PPFIA2: variants seen among roughly 807,000 people sequenced by gnomAD.
PPFIA2 encodes liprin-alpha-2.
In PPFIA2, 46 loss-of-function variants were observed where a neutral mutation model predicts 175.5. The ratio of observed to expected loss-of-function variants is 0.26; its 90% CI spans 0.21 to 0.34. PPFIA2 has a LOEUF of 0.34. PPFIA2 is among the 10% of genes least tolerant of loss of function. The pLI is 1.00. For missense variants in PPFIA2, 1,179 were observed against 1,506.1 expected (o/e 0.78, Z 3.60); for synonymous variants, 568 against 511.4 (o/e 1.11, Z -1.49).
chr12:81,374,946 C>T (rs2036021161), intron 10 of PPFIA2, among the ~76,000 whole-genome samples, 178 bp from the exon 11 acceptor site: 1 of 152,098 alleles, frequency 6.6e-6, no homozygotes, highest in Non-Finnish European at 1.5e-5. Flanking sequence ...CTGTTTCCTT[C>T]ATACATTTCA....
intron 4 of PPFIA2, among the ~76,000 whole-genome samples, chr12:81,491,336 C>T (rs1381633789): frequency 6.6e-6 from 1 of 151,908 alleles, no homozygotes; most frequent in East Asian, 1.9e-4. Flanking sequence ...CTTGTTTGGA[C>T]ATTTTATTTC....
chr12:81,649,616 T>C (rs2066704159), intron 4 of PPFIA2, among the ~76,000 whole-genome samples: 1 of 152,224 alleles, frequency 6.6e-6, no homozygotes, highest in East Asian at 1.9e-4. Context: ...GATTTGTTCA[T>C]AATATCTGAA....
intron 3 of PPFIA2, among the ~76,000 whole-genome samples, chr12:81,705,456 CAA>C (rs58602688): frequency 2.0e-4 from 11 of 55,704 alleles, no homozygotes; most frequent in East Asian, 4.6e-4. Context: ...GACTAGGTCT[CAA>C]AAAAAAAAAA....
chr12:81,475,144 C>T (rs1039050416), intron 4 of PPFIA2, among the ~76,000 whole-genome samples: 2 of 152,186 alleles, frequency 1.3e-5, no homozygotes, highest in Non-Finnish European at 2.9e-5. Context: ...GTCATACAAA[C>T]CTCTGTATCT....
At chr12:81,642,133 A>C (rs2065042334) in intron 4 of PPFIA2, among the ~76,000 whole-genome samples, 1 of 152,216 alleles carries the variant, frequency 6.6e-6, no homozygotes, top group East Asian at 1.9e-4. Flanking sequence ...GTGATAGATA[A>C]ATGTATTGAT....
intron 14 of PPFIA2, 24 bp downstream of exon 14, chr12:81,367,084 C>T: frequency 6.9e-7 from 1 of 1,449,046 alleles, no homozygotes; most frequent in Non-Finnish European, 9.1e-7. Context: ...GAAAATGGGC[C>T]CAAAACATAA....
intron 14 of PPFIA2, 64 bp downstream of exon 14, chr12:81,367,044 C>CT: frequency 7.2e-7 from 1 of 1,385,540 alleles, no homozygotes; most frequent in South Asian, 1.5e-5. Context: ...TACAACAAAA[C>CT]ATTCATCAGT....
chr12:81,507,817 T>C (rs2061340485), intron 4 of PPFIA2, among the ~76,000 whole-genome samples: 1 of 152,194 alleles, frequency 6.6e-6, no homozygotes, highest in Non-Finnish European at 1.5e-5. Flanking sequence ...CAGTTTTAGA[T>C]GGAGAAAAAT....
intron 4 of PPFIA2, among the ~76,000 whole-genome samples, chr12:81,607,360 G>T (rs1005528268): frequency 1.3e-5 from 2 of 152,106 alleles, no homozygotes; most frequent in African/African-American, 4.8e-5. Flanking sequence ...TAGTTTGATA[G>T]AAGTAGTTGA....
chr12:81,356,480 T>C (rs2060867235), intron 16 of PPFIA2, among the ~76,000 whole-genome samples: 1 of 151,854 alleles, frequency 6.6e-6, no homozygotes, highest in Non-Finnish European at 1.5e-5. Flanking sequence ...CTGGGCAAGA[T>C]GGTGAAATCC....
intron 22 of PPFIA2, among the ~76,000 whole-genome samples, chr12:81,320,643 TA>T (rs892275210): frequency 3.3e-5 from 5 of 152,062 alleles, no homozygotes; most frequent in African/African-American, 4.8e-5. Flanking sequence ...TATGCTTTAC[TA>T]AAAAAATTAT....
At chr12:81,521,296 A>G (rs1452521654) in intron 4 of PPFIA2, among the ~76,000 whole-genome samples, 1 of 152,126 alleles carries the variant, frequency 6.6e-6, no homozygotes, top group East Asian at 1.9e-4. Flanking sequence ...GCCCCTCACA[A>G]ATGCAGTTTA....
chr12:81,279,898 G>A (rs2041637664), intron 27 of PPFIA2, among the ~76,000 whole-genome samples: 1 of 152,060 alleles, frequency 6.6e-6, no homozygotes, highest in Non-Finnish European at 1.5e-5. Context: ...TTAACTAGAA[G>A]TCACTCACCT....
intron 23 of PPFIA2, among the ~76,000 whole-genome samples, chr12:81,298,637 C>T (rs12296640): frequency 0.028 from 4,306 of 152,224 alleles, 221 homozygotes; most frequent in African/African-American, 0.099. Context: ...AACAGCCCTT[C>T]GTAGTCAAAT....
At chr12:81,419,854 C>G (rs1000606183) in intron 7 of PPFIA2, among the ~76,000 whole-genome samples, 1 of 152,094 alleles carries the variant, frequency 6.6e-6, no homozygotes, top group Admixed American at 6.6e-5. Flanking sequence ...AGACCTAGTA[C>G]CACCATTGTT....
chr12:81,502,416 A>G (rs1171841741), intron 4 of PPFIA2, among the ~76,000 whole-genome samples: 2 of 152,174 alleles, frequency 1.3e-5, no homozygotes, highest in Non-Finnish European at 2.9e-5. Flanking sequence ...AAATATTAGT[A>G]TGTGGTATTT....
chr12:81,482,498 T>A (rs186915535), intron 4 of PPFIA2, among the ~76,000 whole-genome samples: 1 of 152,262 alleles, frequency 6.6e-6, no homozygotes, highest in East Asian at 1.9e-4. Flanking sequence ...CATATGTCCA[T>A]CAGTGATAGA....
rs117298697 is a variant in PPFIA2, at chr12:81,669,796, G to A, written c.303+6995C>T. On this transcript the variant is annotated intron_variant, in intron 4 of 32. Coordinates refer to ENST00000549396, the MANE Select transcript of PPFIA2 (RefSeq NM_003625.5). ...TAGAAGGTGAGTTCCTAGAATCATC[G>A]TAAGGGAAGGAAGTAATGAAGAGTC... Among the ~76,000 whole-genome samples the A allele has an allele frequency of 9.1e-3, 1,380 of 152,060 alleles. 13 individuals carry two copies. The highest frequency in any genetic ancestry group is 0.012 in the Admixed American group (186 of 15,214).
In PPFIA2 at chr12:81,347,690, C is replaced by T; in HGVS notation, c.2075G>A (p.Gly692Asp). Reference protein sequence around the residue: ...ENRVASVSLEGLNLARVHPGT... With the variant: ...ENRVASVSLEDLNLARVHPGT... ...TGGGTGGACCCTTGCCAAATTCAGGCCTTCGAGGCTCACACTAGCCACTCT... is the reference window on the plus strand; with the variant it reads ...TGGGTGGACCCTTGCCAAATTCAGGTCTTCGAGGCTCACACTAGCCACTCT... The change falls in exon 18 of 33, where the codon GGC becomes GAC. Residue 692 changes from glycine (G) to aspartate (D), a missense_variant. By Grantham distance (94) the Gly-to-Asp change is moderately conservative (BLOSUM62 -1). Around this residue, in one of 10 missense-constraint regions of PPFIA2, gnomAD observed 223 missense variants for 241.6 expected, o/e 0.92. Transcript: ENST00000549396. 6.2e-7 allele frequency: 1 copy of T among 1,613,834 alleles called. No homozygotes were observed. Among genetic ancestry groups the T allele is most frequent in the Non-Finnish European group, 8.5e-7 (1 of 1,179,830 alleles).
Sources: gnomAD v4.1 joint callset for allele counts (sites outside exome capture counted in the v4.1 genomes callset) on GRCh38, gnomAD v4.1.1 for gene constraint, gnomAD v4.1.1 regional missense constraint, MANE v1.5 for transcripts, NCBI Gene and HGNC (gene_info 2026-07-23, HGNC 2026-07-21) for gene names.